The following PRKG1 variants were observed in gnomAD, a reference collection of about 807,000 sequenced individuals.
The protein encoded by PRKG1 is protein kinase cGMP-dependent 1.
A neutral mutation model predicts 88.1 loss-of-function variants in PRKG1; 35 were observed. That is an observed-to-expected ratio of 0.40 (90% CI 0.30 to 0.53). The LOEUF (loss-of-function observed/expected upper bound fraction) is 0.53. Among genes scored for constraint, PRKG1 ranks in the 20% least tolerant of loss-of-function variants. The probability of loss-of-function intolerance (pLI) is 0.59; values close to 1 mark genes in which losing one functional copy is unlikely to be tolerated. For missense variants in PRKG1, 540 were observed against 839.8 expected (o/e 0.64, Z 4.41); for synonymous variants, 303 against 292.5 (o/e 1.04, Z -0.37).
Position 52,251,172 on chromosome 10 carries a change from C to T in PRKG1, c.1077-398C>T, listed in dbSNP as rs116421892. Among the ~76,000 whole-genome samples the T allele has an allele frequency of 9.2e-3, 1,405 of 151,954 alleles. 30 individuals carry two copies. The highest frequency in any genetic ancestry group is 0.032 in the African/African-American group (1,338 of 41,446). On this transcript the variant is annotated intron_variant, in intron 9 of 17. Transcript: ENST00000373980. ...GGGAAACTGATGAGAAACTGCCATC[C>T]GAAATCTGAACGGCAAAAACAAAAC...
intron 3 of PRKG1, among the ~76,000 whole-genome samples, chr10:51,579,857 A>G (rs12268779): frequency 0.21 from 32,188 of 152,056 alleles, 4,865 homozygotes; most frequent in African/African-American, 0.43. Flanking sequence ...AGCATGTAAA[A>G]CATCTAGTAT....
chr10:51,518,591 C>T lies in PRKG1; in HGVS notation c.592+50755C>T, dbSNP rs1205782534. Among the ~76,000 whole-genome samples the T allele has an allele frequency of 9.2e-5, 14 of 152,162 alleles. No homozygotes were observed. The East Asian group carries it at 2.3e-3, about 25-fold the overall frequency. Reference sequence around the variant, plus strand: ...GAGGTAGCATATAGAGCTGAGAATCCGGGAAAACAGATCCTTTAAATTGCC... The same window carrying T: ...GAGGTAGCATATAGAGCTGAGAATCTGGGAAAACAGATCCTTTAAATTGCC... On this transcript the variant is annotated intron_variant, in intron 3 of 17. Coordinates refer to ENST00000373980, the MANE Select transcript of PRKG1 (RefSeq NM_006258.4).
At chr10:52,136,124 T>C (rs891287757) in intron 8 of PRKG1, among the ~76,000 whole-genome samples, 34 of 151,982 alleles carry the variant, frequency 2.2e-4, no homozygotes, top group Non-Finnish European at 3.7e-4. Context: ...TATTAAAATG[T>C]TAAGAATGGA....
chr10:51,711,753 G>T (rs1020245218), intron 3 of PRKG1, among the ~76,000 whole-genome samples: 6 of 152,194 alleles, frequency 3.9e-5, no homozygotes, highest in Admixed American at 3.9e-4. Flanking sequence ...TGAGAAACCA[G>T]ATAAGATGGA....
intron 1 of PRKG1, among the ~76,000 whole-genome samples, chr10:51,013,330 C>T (rs1372867507): frequency 6.6e-6 from 1 of 152,192 alleles, no homozygotes; most frequent in Non-Finnish European, 1.5e-5. Flanking sequence ...CACCACTAGA[C>T]TTGCAGACTA....
At chr10:51,547,765 A>G (rs1564544443) in intron 3 of PRKG1, among the ~76,000 whole-genome samples, 1 of 152,108 alleles carries the variant, frequency 6.6e-6, no homozygotes, top group Non-Finnish European at 1.5e-5. Context: ...AAACTGGTCA[A>G]TGCATATTGT....
At chr10:52,087,332 C>A (rs1225292082) in intron 7 of PRKG1, among the ~76,000 whole-genome samples, 3 of 152,102 alleles carry the variant, frequency 2.0e-5, no homozygotes, top group Admixed American at 6.5e-5. Flanking sequence ...ATTCCTTGGT[C>A]ATGATTTTTG....
At chr10:52,014,754 T>A (rs1194343062) in intron 5 of PRKG1, among the ~76,000 whole-genome samples, 1 of 152,230 alleles carries the variant, frequency 6.6e-6, no homozygotes, top group Non-Finnish European at 1.5e-5. Context: ...TGGATAAATG[T>A]TTCTGTTCCA....
At chr10:51,984,815 C>T (rs1466141692) in intron 5 of PRKG1, among the ~76,000 whole-genome samples, 1 of 151,966 alleles carries the variant, frequency 6.6e-6, no homozygotes, top group South Asian at 2.1e-4. Flanking sequence ...TCCCTCAAAG[C>T]TAATATTAGA....
At chr10:51,914,545 A>T (rs1395326300) in intron 5 of PRKG1, among the ~76,000 whole-genome samples, 1 of 152,212 alleles carries the variant, frequency 6.6e-6, no homozygotes, top group Non-Finnish European at 1.5e-5. Context: ...TGCTATGTTT[A>T]GATCTCCTGA....
intron 2 of PRKG1, among the ~76,000 whole-genome samples, chr10:51,249,602 A>G (rs1040165159): frequency 6.6e-6 from 1 of 151,654 alleles, no homozygotes; most frequent in African/African-American, 2.4e-5. Flanking sequence ...TTGCAAAACA[A>G]TTCAACTTTC....
intron 1 of PRKG1, among the ~76,000 whole-genome samples, chr10:51,127,074 G>A (rs530285297): frequency 1.7e-3 from 256 of 152,114 alleles, no homozygotes; most frequent in African/African-American, 5.8e-3. Context: ...TGATGAAAAC[G>A]CCAAAAACGA....
intron 4 of PRKG1, among the ~76,000 whole-genome samples, chr10:51,898,091 G>T (rs749200068): frequency 3.3e-5 from 5 of 151,954 alleles, no homozygotes; most frequent in Non-Finnish European, 5.9e-5. Flanking sequence ...AATCTACCAG[G>T]CACTTAAAAA....
intron 2 of PRKG1, among the ~76,000 whole-genome samples, chr10:51,286,879 A>G (rs555607843): frequency 6.6e-6 from 1 of 151,978 alleles, no homozygotes; most frequent in Non-Finnish European, 1.5e-5. Context: ...TTTTGTTTGT[A>G]TTGTTTTGTC....
intron 2 of PRKG1, among the ~76,000 whole-genome samples, chr10:51,211,538 A>G (rs1838220037): frequency 6.6e-6 from 1 of 152,230 alleles, no homozygotes; most frequent in East Asian, 1.9e-4. Flanking sequence ...CCCTGTTTGC[A>G]GATGACATGA....
At chr10:51,414,223 A>G (rs914884819) in intron 2 of PRKG1, among the ~76,000 whole-genome samples, 1 of 152,196 alleles carries the variant, frequency 6.6e-6, no homozygotes, top group African/African-American at 2.4e-5. Flanking sequence ...TCCTTCTCCA[A>G]CAAACAGCAG....
At chr10:51,587,852 G>T (rs1244137130) in intron 3 of PRKG1, among the ~76,000 whole-genome samples, 2 of 152,096 alleles carry the variant, frequency 1.3e-5, no homozygotes, top group African/African-American at 4.8e-5. Context: ...ATGATGTTTT[G>T]GGATTATGTA....
rs921866642 is a variant in PRKG1 at position 51,153,033 on chromosome 10, A to C, written c.312-131A>C. ...GACATACTTTGTTCTCCAGTCTTCC[A>C]GAAAATTATTGGATTCCTAACAAGA... On this transcript the variant is annotated intron_variant, in intron 1 of 17. Transcript: ENST00000373980. 3.4e-5 allele frequency: 20 copies of C among 586,850 alleles called. No homozygotes were observed. The African/African-American group carries it at 4.4e-4, about 13-fold the overall frequency. The allele number at this position is 586,850 out of a possible 1,614,324, so 36.4% of individuals were successfully genotyped here.
rs536558727 is a variant in PRKG1, at chr10:52,174,095, A to G, written c.1076+12132A>G. ...AGTTCTCTTGCTCACTATGCTAGTA[A>G]TCAGGTTTTTTTAATTTATTTTTTA... On this transcript the variant is annotated intron_variant, in intron 9 of 17. Coordinates refer to ENST00000373980, the MANE Select transcript of PRKG1 (RefSeq NM_006258.4). Among the ~76,000 whole-genome samples the G allele has an allele frequency of 8.4e-5, 9 of 107,512 alleles. No homozygotes were observed. In the East Asian group the frequency reaches 2.1e-3, roughly 25 times the overall value. The allele number at this position is 107,512 out of a possible 152,430, so 70.5% of individuals were successfully genotyped here.
Sources: gnomAD v4.1 joint callset for allele counts (sites outside exome capture counted in the v4.1 genomes callset) on GRCh38, gnomAD v4.1.1 for gene constraint, MANE v1.5 for transcripts, NCBI Gene and HGNC (gene_info 2026-07-23, HGNC 2026-07-21) for gene names.